ZDHHC14: variants seen among roughly 807,000 people sequenced by gnomAD.
The protein encoded by ZDHHC14 is zDHHC palmitoyltransferase 14.
A neutral mutation model predicts 47.7 loss-of-function variants in ZDHHC14; 16 were observed. That is an observed-to-expected ratio of 0.34 (90% CI 0.23 to 0.51). The LOEUF (loss-of-function observed/expected upper bound fraction) is 0.51, where lower values mean the gene tolerates loss of function less well. ZDHHC14 is among the 20% of genes least tolerant of loss of function. The pLI, the probability that ZDHHC14 is intolerant of heterozygous loss-of-function variation, is 0.97. For synonymous variants in ZDHHC14, 293 were observed against 278.9 expected (o/e 1.05, Z -0.50); for missense variants, 515 against 662.5 (o/e 0.78, Z 2.44).
Position 157,395,792 on chromosome 6 carries a change from C to CAA in ZDHHC14, c.245+13542_245+13543dup, listed in dbSNP as rs1186869019. ...CTGGTGACAGAGCAAGACTCCATCT[C>CAA]AAAAAAAAAAAAAAAAATCCCAAGT... On this transcript the variant is annotated intron_variant, in intron 1 of 8. Transcript: ENST00000359775. Among the ~76,000 whole-genome samples, 441 of 106,976 alleles carry CAA rather than the reference C, an allele frequency of 4.1e-3. 5 individuals are homozygous for CAA. Among genetic ancestry groups the CAA allele is most frequent in the African/African-American group, 0.013 (384 of 29,322 alleles). 70.2% of individuals were successfully genotyped at this position (106,976 alleles called of 152,430 possible).
At chr6:157,518,444 G>T (rs998026957) in intron 1 of ZDHHC14, among the ~76,000 whole-genome samples, 2 of 152,120 alleles carry the variant, frequency 1.3e-5, no homozygotes, top group African/African-American at 2.4e-5. Context: ...GGTGATGTGT[G>T]GTTGCCAGAG....
chr6:157,672,665 CT>C, intron 8 of ZDHHC14, 58 bp from the exon 9 acceptor site: 2 of 1,414,528 alleles, frequency 1.4e-6, no homozygotes, highest in East Asian at 2.6e-5. Context: ...ATCCCTGTCC[CT>C]CCCCACCTCT....
Position 157,592,695 on chromosome 6 carries a change from G to A in ZDHHC14, c.407-293G>A, listed in dbSNP as rs192514523. ...CTGCCGCCTACAGGGAGGGGAGGGG[G>A]AAGGAGGAAAAGGGCGGGGCTCCAC... On this transcript the variant is annotated intron_variant, in intron 2 of 8. Transcript: ENST00000359775. 270 of 1,117,314 alleles carry A rather than the reference G, an allele frequency of 2.4e-4. No homozygotes were observed. In the African/African-American group the frequency reaches 3.9e-3, roughly 16 times the overall value. 69.2% of individuals were successfully genotyped at this position (1,117,314 alleles called of 1,614,324 possible). A position where few individuals can be genotyped will look rare whatever the true frequency, so the allele number is the denominator to read the frequency against.
chr6:157,453,788 T>TTGTGTGTG (rs371025248), intron 1 of ZDHHC14, among the ~76,000 whole-genome samples: 246 of 148,182 alleles, frequency 1.7e-3, no homozygotes, highest in Middle Eastern at 6.9e-3. Context: ...TTTTTGTGTT[T>TTGTGTGTG]TGTGTGTGTG....
intron 1 of ZDHHC14, 21 bp from the exon 2 acceptor site, chr6:157,542,564 G>A (rs201701458): frequency 1.2e-6 from 2 of 1,610,370 alleles, no homozygotes; most frequent in African/African-American, 2.7e-5. Flanking sequence ...CTTCTCTCCG[G>A]TCTGTCCAAC....
Position 157,632,868 on chromosome 6 carries a change from G to A in ZDHHC14, c.738G>A (p.Lys246=). ...SQQTGFLNAL[K]DSPASVLEAV... is the part of the protein sequence containing the mutation. Reference sequence around the variant, plus strand: ...AAACAGGATTCCTAAATGCCCTTAAGGACAGTCCTGCAAGATATCCTTTGT... The same window carrying A: ...AAACAGGATTCCTAAATGCCCTTAAAGACAGTCCTGCAAGATATCCTTTGT... Residue 246 remains lysine (K), a synonymous_variant, in exon 5 of 9, where the codon AAG becomes AAA. Transcript: ENST00000359775. The A allele has an allele frequency of 6.2e-7, 1 of 1,614,138 alleles. No homozygotes were observed. Among genetic ancestry groups the A allele is most frequent in the Non-Finnish European group, 8.5e-7 (1 of 1,180,026 alleles).
At chr6:157,671,696 A>G (rs114597347) in intron 8 of ZDHHC14, among the ~76,000 whole-genome samples, 5,413 of 152,288 alleles carry the variant, frequency 0.036, 338 homozygotes, top group African/African-American at 0.12. Context: ...CATGTGACTT[A>G]AGAACGCGTG....
chr6:157,507,073 T>G (rs1182691799), intron 1 of ZDHHC14, among the ~76,000 whole-genome samples: 1 of 152,220 alleles, frequency 6.6e-6, no homozygotes, highest in Non-Finnish European at 1.5e-5. Flanking sequence ...TCTCTCTTGG[T>G]TCATTCATGT....
intron 1 of ZDHHC14, among the ~76,000 whole-genome samples, chr6:157,397,816 G>A (rs1023114462): frequency 6.6e-6 from 1 of 152,198 alleles, no homozygotes; most frequent in Admixed American, 6.5e-5. Context: ...GGGCTGTCCC[G>A]AGACAGTAGG....
intron 1 of ZDHHC14, among the ~76,000 whole-genome samples, chr6:157,474,941 G>A (rs1779444060): frequency 6.6e-6 from 1 of 152,092 alleles, no homozygotes; most frequent in African/African-American, 2.4e-5. Flanking sequence ...TCTGTCTCCT[G>A]TGCTTTTGGG....
intron 4 of ZDHHC14, 83 bp from the exon 5 acceptor site, chr6:157,632,751 C>T: frequency 8.1e-7 from 1 of 1,241,230 alleles, no homozygotes. Flanking sequence ...CTTTAGCCAT[C>T]TATTATTTTT....
chr6:157,480,495 G>A (rs1048041787), intron 1 of ZDHHC14, among the ~76,000 whole-genome samples: 3 of 152,174 alleles, frequency 2.0e-5, no homozygotes, highest in African/African-American at 7.2e-5. Flanking sequence ...TTGAACTCCT[G>A]ACCTCAAGTG....
At chr6:157,519,287 TTTTTTA>T (rs1415847922) in intron 1 of ZDHHC14, among the ~76,000 whole-genome samples, 2 of 152,168 alleles carry the variant, frequency 1.3e-5, no homozygotes, top group African/African-American at 2.4e-5. Context: ...TGATATTTAT[TTTTTTA>T]TTTTTATTTT....
At chr6:157,486,418 A>G (rs1366606752) in intron 1 of ZDHHC14, among the ~76,000 whole-genome samples, 7 of 152,250 alleles carry the variant, frequency 4.6e-5, no homozygotes, top group Admixed American at 4.6e-4. Context: ...GCAATGGATA[A>G]GACAAATGTG....
chr6:157,517,232 A>G (rs1175309822), intron 1 of ZDHHC14, among the ~76,000 whole-genome samples: 8 of 151,948 alleles, frequency 5.3e-5, no homozygotes, highest in African/African-American at 1.9e-4. Flanking sequence ...CTATTTTCCT[A>G]GTGGGAGTGG....
At chr6:157,439,412 T>C (rs963386955) in intron 1 of ZDHHC14, among the ~76,000 whole-genome samples, 1 of 151,886 alleles carries the variant, frequency 6.6e-6, no homozygotes, top group Non-Finnish European at 1.5e-5. Context: ...TAAAAAAAGC[T>C]CAACATCACT....
chr6:157,608,160 A>G (rs918425660), intron 3 of ZDHHC14, among the ~76,000 whole-genome samples: 1 of 152,216 alleles, frequency 6.6e-6, no homozygotes, highest in Non-Finnish European at 1.5e-5. Flanking sequence ...CTGTGCGTGC[A>G]TGGATTTGCC....
intron 1 of ZDHHC14, among the ~76,000 whole-genome samples, chr6:157,411,255 G>T (rs1463201836): frequency 6.6e-6 from 1 of 152,174 alleles, no homozygotes; most frequent in Admixed American, 6.5e-5. Flanking sequence ...ACTGTATGGT[G>T]CCATTTATAT....
chr6:157,440,027 G>C (rs534129438), intron 1 of ZDHHC14, among the ~76,000 whole-genome samples: 1 of 152,206 alleles, frequency 6.6e-6, no homozygotes, highest in Non-Finnish European at 1.5e-5. Context: ...TGGGAGGAGG[G>C]AGAGCATCAG....
Sources: allele counts gnomAD v4.1 joint callset (sites outside exome capture counted in the v4.1 genomes callset), GRCh38; gene constraint gnomAD v4.1.1; transcripts MANE v1.5; gene names NCBI Gene and HGNC (gene_info 2026-07-23, HGNC 2026-07-21).